Variants in PPOX observed in about 807,000 individuals in gnomAD.
The protein encoded by PPOX is variegate porphyria.
PPOX carries 23 observed loss-of-function variants against 54.1 expected under a neutral mutation model. The ratio of observed to expected loss-of-function variants is 0.43; its 90% confidence interval spans 0.31 to 0.60. The LOEUF is 0.60. Ranked by LOEUF, PPOX falls within the 20% of genes least tolerant of loss-of-function variation. The pLI, the probability that PPOX is intolerant of heterozygous loss-of-function variation, is 0.13. For synonymous variants in PPOX, 224 were observed against 236.1 expected (o/e 0.95, Z 0.47); for missense variants, 512 against 601.1 (o/e 0.85, Z 1.55).
intron 4 of PPOX, chr1:161,176,240 T>TA (rs1174522979): frequency 2.7e-6 from 2 of 731,388 alleles, no homozygotes; most frequent in Non-Finnish European, 4.4e-6. Context: ...AAACAGAATG[T>TA]AACCACCAGT....
chr1:161,174,608 G>A (rs1362469658), downstream of PPOX, among the ~76,000 whole-genome samples: 1 of 152,148 alleles, frequency 6.6e-6, no homozygotes, highest in Non-Finnish European at 1.5e-5. Context: ...AACCAACAAT[G>A]GTGTGGTGTG....
At chr1:161,167,722 G>T (rs985551209) in intron 4 of PPOX, 11 of 705,528 alleles carry the variant, frequency 1.6e-5, no homozygotes, top group Non-Finnish European at 2.3e-5. Context: ...CTACCACCAC[G>T]TCTGGCTAGT....
chr1:161,172,409 C>T, downstream of PPOX: 1 of 1,242,830 alleles, frequency 8.0e-7, no homozygotes, highest in Non-Finnish European at 1.1e-6. Context: ...TCTGTACACA[C>T]AAAAAAACAA....
Position 161,170,512 on chromosome 1 carries a change from G to C in PPOX, c.1091G>C (p.Arg364Thr). 1 of 1,614,118 alleles carries C rather than the reference G, an allele frequency of 6.2e-7. No individual in the cohort carries two copies. The highest frequency in any genetic ancestry group is 8.5e-7 in the Non-Finnish European group (1 of 1,179,930). The change falls in exon 10 of 13, where the codon AGA becomes ACA. Residue 364 changes from arginine (R) to threonine (T), a missense_variant. By Grantham distance (71) the Arg-to-Thr change is moderately conservative (BLOSUM62 -1). Transcript: ENST00000367999. ...PEQDGSPPGL[R>T]VTVMLGGSWL... ...CAGGACGGGAGCCCCCCTGGCCTCA[G>C]AGTGACTGTGAGGAGGAGGAAACTT...
chr1:161,175,191 T>C (rs1571511983), downstream of PPOX: 2 of 1,613,692 alleles, frequency 1.2e-6, no homozygotes, highest in Non-Finnish European at 8.5e-7. Context: ...TCTCTGCCAG[T>C]GATGGCACTG....
At chr1:161,168,245 A>T in intron 5 of PPOX, 118 bp downstream of exon 5, 3 of 1,558,294 alleles carry the variant, frequency 1.9e-6, no homozygotes, top group Non-Finnish European at 2.6e-6. Context: ...TCTTCTCTTC[A>T]TACCCCACCC....
downstream of PPOX, among the ~76,000 whole-genome samples, chr1:161,175,593 G>A (rs926351173): frequency 6.6e-6 from 1 of 152,132 alleles, no homozygotes; most frequent in African/African-American, 2.4e-5. Context: ...ACAAGCAGTA[G>A]AAAGTGGAAA....
At position 161,169,054 on chromosome 1, in the gene PPOX, G is replaced by A. The variant is rs150335996; in HGVS notation, c.678G>A (p.Gln226=). ...IRQALAERWS[Q]WSLRGGLEML... ...AGGCCTTGGCTGAGCGCTGGAGCCA[G>A]TGGTCACTTCGTGGAGGTCTAGAGA... Residue 226 remains glutamine (Q), a synonymous_variant, in exon 7 of 13, where the codon CAG becomes CAA. Coordinates refer to ENST00000367999, the MANE Select transcript of PPOX (RefSeq NM_001122764.3). 5 of 1,614,260 alleles carry A rather than the reference G, an allele frequency of 3.1e-6. No homozygotes were observed. Among genetic ancestry groups the A allele is most frequent in the African/African-American group, 1.3e-5 (1 of 75,066 alleles).
downstream of PPOX, chr1:161,171,520 C>T (rs534337925): frequency 1.2e-5 from 7 of 578,784 alleles, no homozygotes; most frequent in South Asian, 8.2e-5. Context: ...GAGGGAGGGG[C>T]TTGGGGTCCA....
chr1:161,166,910 G>A lies in PPOX; in HGVS notation c.63G>A (p.Leu21=). ...GCGGCTTGGCCGCCAGTTACCACCTGAGCCGGGCCCCCTGCCCCCCTAAGG... is the reference window on the plus strand; with the variant it reads ...GCGGCTTGGCCGCCAGTTACCACCTAAGCCGGGCCCCCTGCCCCCCTAAGG... ...GISGLAASYH[L]SRAPCPPKVV... The change falls in exon 2 of 13, where the codon CTG becomes CTA. Residue 21 remains leucine, a synonymous_variant. Coordinates refer to ENST00000367999, the MANE Select transcript of PPOX (RefSeq NM_001122764.3). 1 of 1,613,936 alleles carries A rather than the reference G, an allele frequency of 6.2e-7. No individual in the cohort carries two copies. The highest frequency in any genetic ancestry group is 8.5e-7 in the Non-Finnish European group (1 of 1,180,034).
At chr1:161,175,156 T>G, downstream of PPOX, 1 of 1,613,904 alleles carries the variant, frequency 6.2e-7, no homozygotes, top group Non-Finnish European at 8.5e-7. Flanking sequence ...GCCCCCTGGT[T>G]CTACCCGGGG....
At position 161,168,496 on chromosome 1, in the gene PPOX, G is replaced by C. The variant is rs779151106; in HGVS notation, c.536G>C (p.Ser179Thr). 1 of 1,614,178 alleles carries C rather than the reference G, an allele frequency of 6.2e-7. No individual in the cohort carries two copies. Among genetic ancestry groups the C allele is most frequent in the Non-Finnish European group, 8.5e-7 (1 of 1,180,034 alleles). Residue 179 changes from serine to threonine, a missense_variant, in exon 6 of 13, where the codon AGC (serine) becomes ACC (threonine). Transcript: ENST00000367999. ...TTTGCAGGCAACAGCCGTGAGCTCAGCATCAGGTCCTGCTTTCCCAGTCTC... is the reference window on the plus strand; with the variant it reads ...TTTGCAGGCAACAGCCGTGAGCTCACCATCAGGTCCTGCTTTCCCAGTCTC... ...GVFAGNSRELSIRSCFPSLFQ... is the reference protein window; with the variant it reads ...GVFAGNSRELTIRSCFPSLFQ...
At position 161,168,678 on chromosome 1, in the gene PPOX, G is replaced by C; in HGVS notation, c.616+102G>C. On this transcript the variant is annotated intron_variant, in intron 6 of 12. Coordinates refer to ENST00000367999, the MANE Select transcript of PPOX (RefSeq NM_001122764.3). The stretch of plus-strand genomic sequence containing the variant: ...CAATGATTCTTTTTTTCTTTTTTGA[G>C]ACGGAGTCTTGCTCTGCTGCCTAGG... The C allele has an allele frequency of 2.0e-6, 3 of 1,474,518 alleles. No homozygotes were observed. In the South Asian group the frequency reaches 3.6e-5, roughly 18 times the overall value. 91.3% of individuals were successfully genotyped at this position (1,474,518 alleles called of 1,614,324 possible). A position where few individuals can be genotyped will look rare whatever the true frequency, so the allele number is the denominator to read the frequency against.
Position 161,170,050 on chromosome 1 carries a change from G to A in PPOX, c.987+26G>A, listed in dbSNP as rs773282213. On this transcript the variant is annotated intron_variant, in intron 9 of 12. Coordinates refer to ENST00000367999, the MANE Select transcript of PPOX (RefSeq NM_001122764.3). ...GTATGATAAAGGGACGGAGAGGCTG[G>A]GCATGGTGGCTCACACCTGTAATCC... 9 of 1,598,852 alleles carry A rather than the reference G, an allele frequency of 5.6e-6. No individual in the cohort carries two copies. In the Admixed American group the frequency reaches 1.4e-4, roughly 25 times the overall value.
At chr1:161,177,523 A>G (rs1664078672), downstream of PPOX, 1 of 169,756 alleles carries the variant, frequency 5.9e-6, no homozygotes, top group East Asian at 1.6e-4. Context: ...GTCTCGCGTC[A>G]TGGGGCGGGG....
chr1:161,174,402 C>CA (rs554703903), downstream of PPOX, among the ~76,000 whole-genome samples: 321 of 55,272 alleles, frequency 5.8e-3, 1 homozygote, highest in African/African-American at 0.012. Flanking sequence ...AGTGAGATCT[C>CA]AAAAAAAAAA....
downstream of PPOX, chr1:161,174,901 T>A: frequency 7.3e-7 from 1 of 1,363,794 alleles, no homozygotes; most frequent in South Asian, 1.2e-5. Context: ...TTAAAATTAT[T>A]CTAGGGACCC....
At chr1:161,171,758 G>A, downstream of PPOX, 3 of 1,587,204 alleles carry the variant, frequency 1.9e-6, no homozygotes, top group South Asian at 2.3e-5. Context: ...AGCTGAGGGT[G>A]GGGAGAATAC....
At chr1:161,170,371 G>C in intron 9 of PPOX, 38 bp from the exon 10 acceptor site, 3 of 1,270,074 alleles carry the variant, frequency 2.4e-6, no homozygotes, top group Non-Finnish European at 3.3e-6. Context: ...CTCAGCTAGA[G>C]CCCTTTCCTT....
Sources: gnomAD v4.1 joint callset for allele counts (sites outside exome capture counted in the v4.1 genomes callset) on GRCh38, gnomAD v4.1.1 for gene constraint, MANE v1.5 for transcripts, NCBI Gene and HGNC (gene_info 2026-07-23, HGNC 2026-07-21) for gene names.